ZNF454: variants seen among roughly 807,000 people sequenced by gnomAD.
ZNF454 encodes zinc finger protein 454.
Under a neutral mutation model 48.2 loss-of-function variants are expected in ZNF454, and 30 were observed. The ratio of observed to expected loss-of-function variants is 0.62; its 90% confidence interval spans 0.47 to 0.84. ZNF454 has a LOEUF of 0.84. Ranked by LOEUF, ZNF454 falls within the 40% of genes least tolerant of loss-of-function variation. The probability of loss-of-function intolerance (pLI) is 0.00; values close to 1 mark genes in which losing one functional copy is unlikely to be tolerated. For missense variants in ZNF454, 510 were observed against 623.1 expected (o/e 0.82, Z 1.93); for synonymous variants, 204 against 211.4 (o/e 0.97, Z 0.30).
chr5:178,981,543 G>A, the ZNF454 span: 1 of 809,824 alleles, frequency 1.2e-6, no homozygotes, highest in South Asian at 1.7e-5. The surrounding 1 kb of genome is among the most constrained non-coding windows in gnomAD (Gnocchi z 5.1). Context: ...GCATGGTCTT[G>A]GCAAACTCCC....
chr5:178,961,561 A>G (rs1441950603), intron 4 of ZNF454, among the ~76,000 whole-genome samples: 1 of 151,632 alleles, frequency 6.6e-6, no homozygotes, highest in Admixed American at 6.6e-5. Context: ...CACGCCTGTA[A>G]TCCCAGCATT....
rs954417217 is a variant in ZNF454 at position 178,941,341 on chromosome 5, G to A, written c.-211G>A. The A allele has an allele frequency of 6.6e-6, 3 of 455,374 alleles. No individual in the cohort carries two copies. Among genetic ancestry groups the A allele is most frequent in the Non-Finnish European group, 1.3e-5 (3 of 226,144 alleles). 28.2% of individuals were successfully genotyped at this position (455,374 alleles called of 1,614,324 possible). ...AAAGCCGCAGAGGGAGAGCGGGAGC[G>A]GTCGTGAGGTCGTCTGGGGAGAAGG... On this transcript the variant is annotated 5_prime_UTR_variant, in exon 1 of 5. Coordinates refer to ENST00000519564, the MANE Select transcript of ZNF454 (RefSeq NM_001178089.3). This position sits in a 1 kb window ranked among gnomAD's most constrained non-coding sequence, Gnocchi z 5.5.
At chr5:178,963,790 G>A (rs1177121847) in intron 4 of ZNF454, among the ~76,000 whole-genome samples, 2 of 151,642 alleles carry the variant, frequency 1.3e-5, no homozygotes, top group Admixed American at 1.3e-4. Context: ...TTTTTTAGTA[G>A]ATATGAGCAT....
the ZNF454 span, chr5:178,977,276 T>C: frequency 3.4e-6 from 1 of 295,848 alleles, no homozygotes; most frequent in Non-Finnish European, 7.2e-6. Context: ...TGGGAGGTTA[T>C]GAAAGTAGAG....
the ZNF454 span, chr5:178,989,297 G>A: frequency 6.2e-7 from 1 of 1,612,704 alleles, no homozygotes; most frequent in Non-Finnish European, 8.5e-7. Flanking sequence ...GTCTGACTGG[G>A]TACCTGAGCT....
In ZNF454 at chr5:178,946,262, T is replaced by A; in HGVS notation, c.34-97T>A. 1 of 1,542,848 alleles carries A rather than the reference T, an allele frequency of 6.5e-7. No individual in the cohort carries two copies. Among genetic ancestry groups the A allele is most frequent in the Non-Finnish European group, 8.8e-7 (1 of 1,142,416 alleles). Reference sequence around the variant, plus strand: ...AGCTCCCTGTGTGCCAGCAGTCCTGTAAATGCGCACAAGCTCCTAGGGGCT... The same window carrying A: ...AGCTCCCTGTGTGCCAGCAGTCCTGAAAATGCGCACAAGCTCCTAGGGGCT... On this transcript the variant is annotated intron_variant, in intron 2 of 4. Coordinates refer to ENST00000519564, the MANE Select transcript of ZNF454 (RefSeq NM_001178089.3). The surrounding 1 kb of genome is among the most constrained non-coding windows in gnomAD (Gnocchi z 4.5).
the ZNF454 span, chr5:178,989,111 G>T: frequency 6.2e-7 from 1 of 1,614,046 alleles, no homozygotes; most frequent in Non-Finnish European, 8.5e-7. Context: ...CTCGTAGGTG[G>T]AGTCCCGGCC....
intron 4 of ZNF454, among the ~76,000 whole-genome samples, chr5:178,949,420 A>G (rs1759470319): frequency 6.6e-6 from 1 of 151,916 alleles, no homozygotes; most frequent in Non-Finnish European, 1.5e-5. Context: ...TCAGCCTCCT[A>G]ATAAGGTTAT....
chr5:178,956,229 C>T (rs1759742437), intron 4 of ZNF454, among the ~76,000 whole-genome samples: 1 of 152,044 alleles, frequency 6.6e-6, no homozygotes. Context: ...GTTAAAATAT[C>T]TTACATTTAA....
chr5:178,985,646 G>T, the ZNF454 span: 4,780 of 380,640 alleles, frequency 0.013, 74 homozygotes, highest in South Asian at 0.028. Flanking sequence ...GAGCTTGCAG[G>T]GAGCTGAGAT....
the ZNF454 span, chr5:178,987,098 T>C: frequency 9.2e-7 from 1 of 1,084,154 alleles, no homozygotes; most frequent in African/African-American, 1.6e-5. Flanking sequence ...TCACTGCTCA[T>C]AAGGGACGTG....
chr5:178,947,346 G>C (rs542853485), intron 4 of ZNF454, among the ~76,000 whole-genome samples: 1 of 152,312 alleles, frequency 6.6e-6, no homozygotes, highest in Non-Finnish European at 1.5e-5. Flanking sequence ...CTCATGAGGA[G>C]CCACAGCATG....
the ZNF454 span, among the ~76,000 whole-genome samples, chr5:178,984,576 G>T: frequency 9.0e-3 from 1,363 of 152,248 alleles, 19 homozygotes; most frequent in African/African-American, 0.031. Context: ...AGAGCTGGGG[G>T]TCCCCAACGG....
At chr5:178,989,529 A>G in the ZNF454 span, 1 of 1,222,000 alleles carries the variant, frequency 8.2e-7, no homozygotes, top group Non-Finnish European at 1.2e-6. Flanking sequence ...TGGCCAGGTG[A>G]ACTAGGCATG....
chr5:178,985,702 A>G, the ZNF454 span: 4 of 198,440 alleles, frequency 2.0e-5, no homozygotes, highest in Middle Eastern at 5.4e-4. Context: ...GACTCTGTCT[A>G]AAAAAAAAAA....
chr5:178,957,061 T>G (rs1263732423), intron 4 of ZNF454, among the ~76,000 whole-genome samples: 1 of 151,964 alleles, frequency 6.6e-6, no homozygotes, highest in Non-Finnish European at 1.5e-5. Flanking sequence ...TTTTTGTGTT[T>G]TTAGTAGAGA....
chr5:178,981,289 T>TG, the ZNF454 span: 1 of 267,862 alleles, frequency 3.7e-6, no homozygotes, highest in Non-Finnish European at 7.3e-6. The surrounding 1 kb of genome is among the most constrained non-coding windows in gnomAD (Gnocchi z 5.1). Context: ...CCCCAGGTTA[T>TG]GGGGGTTGAC....
the ZNF454 span, chr5:178,985,296 C>G: frequency 2.2e-6 from 1 of 456,024 alleles, no homozygotes; most frequent in Non-Finnish European, 4.4e-6. Flanking sequence ...TGGAGGCCCA[C>G]ACTCCCCACC....
chr5:178,974,156 AG>A, the ZNF454 span, among the ~76,000 whole-genome samples: 2 of 152,228 alleles, frequency 1.3e-5, no homozygotes, highest in East Asian at 3.8e-4. Context: ...AGCTGGTACA[AG>A]AATTCATCCG....
Sources: allele counts gnomAD v4.1 joint callset (sites outside exome capture counted in the v4.1 genomes callset), GRCh38; gene constraint gnomAD v4.1.1; non-coding constraint Gnocchi (gnomAD v3.1); transcripts MANE v1.5; gene names NCBI Gene and HGNC (gene_info 2026-07-23, HGNC 2026-07-21).